The following MAGI1 variants were observed in gnomAD, a reference collection of about 807,000 sequenced individuals.
MAGI1 encodes the protein membrane-associated guanylate kinase, WW and PDZ domain-containing protein 1.
A neutral mutation model predicts 139.9 loss-of-function variants in MAGI1; 58 were observed. The ratio of observed to expected loss-of-function variants is 0.41; its 90% CI spans 0.34 to 0.52. The LOEUF (loss-of-function observed/expected upper bound fraction) is 0.52. Among genes scored for constraint, MAGI1 ranks in the 20% least tolerant of loss-of-function variants. The probability of loss-of-function intolerance (pLI) is 0.12; values close to 1 mark genes in which losing one functional copy is unlikely to be tolerated. For synonymous variants in MAGI1, 812 were observed against 737.9 expected (o/e 1.10, Z -1.63); for missense variants, 1,874 against 1,901.6 (o/e 0.99, Z 0.27).
intron 3 of MAGI1, among the ~76,000 whole-genome samples, chr3:65,482,494 T>A (rs923023560): frequency 1.3e-5 from 2 of 152,294 alleles, no homozygotes; most frequent in East Asian, 3.9e-4. Flanking sequence ...TAACACTCAG[T>A]CTCTCTAGTA....
intron 1 of MAGI1, among the ~76,000 whole-genome samples, chr3:65,704,391 C>T (rs1284496320): frequency 2.0e-5 from 3 of 152,142 alleles, no homozygotes; most frequent in South Asian, 2.1e-4. Flanking sequence ...GGAGCATCTA[C>T]CCTTTCCAGT....
intron 18 of MAGI1, among the ~76,000 whole-genome samples, chr3:65,366,072 C>CT (rs1030545191): frequency 2.0e-5 from 3 of 152,110 alleles, no homozygotes; most frequent in African/African-American, 7.2e-5. Context: ...ATCAAATCAC[C>CT]TTTTTTTCCT....
intron 1 of MAGI1, among the ~76,000 whole-genome samples, chr3:65,797,935 C>A (rs1389152359): frequency 2.6e-5 from 4 of 152,124 alleles, no homozygotes; most frequent in Admixed American, 2.6e-4. Context: ...ATGGGCATTA[C>A]AGCTATGGAG....
chr3:65,948,831 C>A (rs1269989178), intron 1 of MAGI1, among the ~76,000 whole-genome samples: 1 of 152,186 alleles, frequency 6.6e-6, no homozygotes, highest in Non-Finnish European at 1.5e-5. Context: ...TGGCAGTCAA[C>A]CCATTCTACA....
chr3:66,014,430 T>C (rs6767345), intron 1 of MAGI1, among the ~76,000 whole-genome samples: 80,512 of 152,020 alleles, frequency 0.53, 22,100 homozygotes, highest in East Asian at 0.74. Context: ...TCTGTTTACA[T>C]GTCAGGACAG....
intron 2 of MAGI1, among the ~76,000 whole-genome samples, chr3:65,508,359 G>C (rs926817471): frequency 1.3e-5 from 2 of 151,964 alleles, no homozygotes; most frequent in Non-Finnish European, 2.9e-5. Context: ...AGCCGAGATT[G>C]CGCCACTGCA....
At chr3:65,727,321 C>G (rs923150464) in intron 1 of MAGI1, among the ~76,000 whole-genome samples, 1 of 152,136 alleles carries the variant, frequency 6.6e-6, no homozygotes, top group African/African-American at 2.4e-5. Context: ...TTTGTGTTAC[C>G]TGATAAAAGG....
intron 4 of MAGI1, among the ~76,000 whole-genome samples, chr3:65,473,639 C>CAAAAAAAAA (rs35970775): frequency 2.3e-5 from 2 of 87,354 alleles, no homozygotes; most frequent in Non-Finnish European, 2.1e-5. Flanking sequence ...TACATGTTTA[C>CAAAAAAAAA]AAAAAAAAAA....
intron 1 of MAGI1, among the ~76,000 whole-genome samples, chr3:65,826,363 G>A (rs115322475): frequency 0.028 from 4,292 of 152,236 alleles, 96 homozygotes; most frequent in Middle Eastern, 0.044. Context: ...ACTTATATTT[G>A]GGATAAGAAG....
At chr3:65,964,311 C>A (rs921115729) in intron 1 of MAGI1, among the ~76,000 whole-genome samples, 22 of 152,140 alleles carry the variant, frequency 1.4e-4, no homozygotes, top group Admixed American at 6.5e-5. Flanking sequence ...GTGGGAGTAT[C>A]ACCTCCCTAC....
At chr3:65,467,351 A>T (rs943011610) in intron 5 of MAGI1, among the ~76,000 whole-genome samples, 1 of 152,248 alleles carries the variant, frequency 6.6e-6, no homozygotes, top group African/African-American at 2.4e-5. Flanking sequence ...AATGCGGTTT[A>T]ATTTGCTATT....
chr3:65,920,204 A>G (rs548287851), intron 1 of MAGI1, among the ~76,000 whole-genome samples: 11 of 152,302 alleles, frequency 7.2e-5, no homozygotes, highest in South Asian at 2.1e-4. Flanking sequence ...TTAGCCATCT[A>G]TTTAAAGAGC....
At chr3:65,773,419 G>T (rs9831784) in intron 1 of MAGI1, among the ~76,000 whole-genome samples, 1,921 of 152,232 alleles carry the variant, frequency 0.013, 42 homozygotes, top group African/African-American at 0.044. Flanking sequence ...TGTAGTCCCA[G>T]CTACTCAGGT....
chr3:65,662,109 C>CACTTTA (rs2086234003), intron 1 of MAGI1, among the ~76,000 whole-genome samples: 2 of 152,086 alleles, frequency 1.3e-5, no homozygotes, highest in Admixed American at 1.3e-4. Flanking sequence ...CAAGAACTTT[C>CACTTTA]ACAAGTTCAG....
At position 65,355,410 on chromosome 3, in the gene MAGI1, A is replaced by C. The variant is rs1368660386; in HGVS notation, c.*968T>G. On this transcript the variant is annotated 3_prime_UTR_variant, in exon 23 of 23. Transcript: ENST00000402939. ...CATTGCCTCCTCCCCAGTTTGGCAA[A>C]GGGCAACCATGGGCTTCTACTAAAA... 6.6e-6 allele frequency: 1 copy of C among 152,218 alleles called. No homozygotes were observed. The highest frequency in any genetic ancestry group is 1.5e-5 in the Non-Finnish European group (1 of 68,066). 9.4% of individuals were successfully genotyped at this position (152,218 alleles called of 1,614,324 possible). A position where few individuals can be genotyped will look rare whatever the true frequency, so the allele number is the denominator to read the frequency against.
intron 1 of MAGI1, among the ~76,000 whole-genome samples, chr3:65,649,942 G>C (rs2085488382): frequency 6.6e-6 from 1 of 152,140 alleles, no homozygotes; most frequent in Non-Finnish European, 1.5e-5. Flanking sequence ...AAATAGATTG[G>C]TAGTTTCTTA....
intron 9 of MAGI1, among the ~76,000 whole-genome samples, chr3:65,439,307 G>A (rs981747846): frequency 6.6e-6 from 1 of 152,046 alleles, no homozygotes; most frequent in Non-Finnish European, 1.5e-5. Context: ...TAAAATATGC[G>A]TATATCTATA....
chr3:65,945,170 T>C (rs2063493472), intron 1 of MAGI1, among the ~76,000 whole-genome samples: 2 of 152,222 alleles, frequency 1.3e-5, no homozygotes, highest in African/African-American at 4.8e-5. Flanking sequence ...ATCCTGATTT[T>C]GAAGGGCCAG....
chr3:65,619,643 G>C (rs2083562597), intron 2 of MAGI1, among the ~76,000 whole-genome samples: 1 of 152,120 alleles, frequency 6.6e-6, no homozygotes, highest in Non-Finnish European at 1.5e-5. Flanking sequence ...TAGCACAACA[G>C]GCTGGTGGAG....
Sources: allele counts gnomAD v4.1 joint callset (sites outside exome capture counted in the v4.1 genomes callset), GRCh38; gene constraint gnomAD v4.1.1; transcripts MANE v1.5; gene names NCBI Gene and HGNC (gene_info 2026-07-23, HGNC 2026-07-21).